The following TOPAZ1 variants were observed in gnomAD, a reference collection of about 807,000 sequenced individuals.
TOPAZ1 encodes the protein testis and ovary specific TOPAZ 1.
Under a neutral mutation model 172.2 loss-of-function variants are expected in TOPAZ1, and 66 were observed. The ratio of observed to expected loss-of-function variants is 0.38; its 90% CI spans 0.31 to 0.47. The LOEUF is 0.47. Ranked by LOEUF, TOPAZ1 falls within the 20% of genes least tolerant of loss-of-function variation. TOPAZ1 has a pLI of 0.99. For synonymous variants in TOPAZ1, 681 were observed against 683.9 expected (o/e 1.00, Z 0.07); for missense variants, 1,822 against 1,972.4 (o/e 0.92, Z 1.44).
At chr3:44,331,155 G>T (rs1700663451) in intron 19 of TOPAZ1, among the ~76,000 whole-genome samples, 1 of 152,150 alleles carries the variant, frequency 6.6e-6, no homozygotes, top group Non-Finnish European at 1.5e-5. Flanking sequence ...TAGGTAATTA[G>T]CTGTGTTCTA....
chr3:44,293,785 A>G (rs1039286261), intron 12 of TOPAZ1, among the ~76,000 whole-genome samples: 3 of 152,210 alleles, frequency 2.0e-5, no homozygotes, highest in African/African-American at 7.2e-5. Flanking sequence ...ACAGTTGCCT[A>G]CAGTATTCAG....
chr3:44,266,120 A>T (rs1699827871), intron 5 of TOPAZ1, among the ~76,000 whole-genome samples: 1 of 152,156 alleles, frequency 6.6e-6, no homozygotes, highest in African/African-American at 2.4e-5. Context: ...AACCTCATGA[A>T]CCAATTTTGC....
intron 16 of TOPAZ1, among the ~76,000 whole-genome samples, 196 bp downstream of exon 16, chr3:44,310,186 G>A (rs1242571582): frequency 6.6e-6 from 1 of 152,150 alleles, no homozygotes; most frequent in African/African-American, 2.4e-5. Flanking sequence ...AATTATATAA[G>A]CCTTTGTTCA....
intron 4 of TOPAZ1, among the ~76,000 whole-genome samples, chr3:44,261,782 C>T (rs1699778503): frequency 6.6e-6 from 1 of 152,144 alleles, no homozygotes; most frequent in Non-Finnish European, 1.5e-5. Context: ...CTCTCCTATC[C>T]ATGATCATGG....
chr3:44,254,064 A>C (rs1214394826), intron 2 of TOPAZ1, among the ~76,000 whole-genome samples: 1 of 152,228 alleles, frequency 6.6e-6, no homozygotes. Context: ...CTTTAAGGAC[A>C]TCTTATCTCA....
chr3:44,318,216 AG>A (rs1700471493), intron 16 of TOPAZ1, among the ~76,000 whole-genome samples: 1 of 152,010 alleles, frequency 6.6e-6, no homozygotes, highest in African/African-American at 2.4e-5. Context: ...GGGAGGCCGA[AG>A]TGGGTGGATT....
chr3:44,261,422 C>G (rs1254987598), intron 4 of TOPAZ1, among the ~76,000 whole-genome samples: 1 of 152,068 alleles, frequency 6.6e-6, no homozygotes, highest in African/African-American at 2.4e-5. Flanking sequence ...GGTCCTTTCC[C>G]CATTGCTTGT....
Position 44,245,172 on chromosome 3 carries a change from C to G in TOPAZ1, c.2666C>G (p.Pro889Arg). Residue 889 changes from proline (P) to arginine (R), a missense_variant, in exon 2 of 20, where the codon CCA (proline) becomes CGA (arginine). Around this residue, in one of 2 missense-constraint regions of TOPAZ1, gnomAD observed 1,489 missense variants for 1,490.8 expected, o/e 1.00. Coordinates refer to ENST00000309765, the MANE Select transcript of TOPAZ1 (RefSeq NM_001145030.2). ...EGELSFTSEV[P>R]KISQEPNVAG... ...GAGCTCTCATTTACTTCTGAGGTCC[C>G]AAAGATAAGCCAGGAGCCCAATGTT... The G allele has an allele frequency of 6.4e-7, 1 of 1,551,812 alleles. No individual in the cohort carries two copies. Among genetic ancestry groups the G allele is most frequent in the Non-Finnish European group, 8.7e-7 (1 of 1,147,048 alleles).
At chr3:44,282,070 GTGT>G in intron 9 of TOPAZ1, 39 bp downstream of exon 9, 1 of 1,311,930 alleles carries the variant, frequency 7.6e-7, no homozygotes, top group African/African-American at 1.5e-5. Context: ...AGCTATTAAT[GTGT>G]TGTTTGAAAA....
Position 44,270,748 on chromosome 3 carries a change from TTA to T in TOPAZ1, c.3311_3312del (p.Leu1104SerfsTer4). The part of the protein sequence containing the change: ...YKYCKFHFNT[L>X]RGCERPLCKF... The stretch of plus-strand genomic sequence containing the variant: ...ATATTGCAAATTTCATTTTAATACA[TTA>T]CGTGGCTGTGAGCGACCACTGTGCA... On this transcript the variant is annotated frameshift_variant, in exon 8 of 20. Transcript: ENST00000309765. LOFTEE classifies it high-confidence loss of function. 1 of 1,550,932 alleles carries T rather than the reference TTA, an allele frequency of 6.4e-7. No homozygotes were observed. The highest frequency in any genetic ancestry group is 8.7e-7 in the Non-Finnish European group (1 of 1,146,478).
In TOPAZ1 at chr3:44,244,995, G is replaced by C. The variant is rs564499009; in HGVS notation, c.2489G>C (p.Arg830Pro). ...TGCTGTAATGAACAAGAAACATTCC[G>C]ACCAGTGTCCAGTGAAGTTAGGGGT... ...SFCCNEQETF[R>P]PVSSEVRGRK... The change falls in exon 2 of 20, where the codon CGA (arginine) becomes CCA (proline). Residue 830 changes from arginine (R) to proline (P), a missense_variant. Physicochemically the swap from Arg to Pro is moderately radical, Grantham distance 103. Coordinates refer to ENST00000309765, the MANE Select transcript of TOPAZ1 (RefSeq NM_001145030.2). The C allele has an allele frequency of 6.4e-7, 1 of 1,551,618 alleles. No homozygotes were observed. The highest frequency in any genetic ancestry group is 8.7e-7 in the Non-Finnish European group (1 of 1,147,000).
chr3:44,320,470 C>T (rs902404683), intron 16 of TOPAZ1, among the ~76,000 whole-genome samples: 4 of 151,954 alleles, frequency 2.6e-5, no homozygotes, highest in African/African-American at 4.8e-5. Context: ...TGGTGGCACG[C>T]GCCTGTAGTC....
At chr3:44,334,470 C>G (rs534540745), downstream of TOPAZ1, among the ~76,000 whole-genome samples, 2 of 152,074 alleles carry the variant, frequency 1.3e-5, no homozygotes, top group African/African-American at 4.8e-5. Flanking sequence ...CAGGAGACAC[C>G]GGATTCCATC....
At chr3:44,294,793 A>G (rs981358426) in intron 12 of TOPAZ1, among the ~76,000 whole-genome samples, 2 of 152,198 alleles carry the variant, frequency 1.3e-5, no homozygotes, top group Admixed American at 6.5e-5. Context: ...TTTAATGCAC[A>G]TTTATATTTT....
chr3:44,292,509 A>C (rs536046216), intron 12 of TOPAZ1, among the ~76,000 whole-genome samples: 7 of 151,846 alleles, frequency 4.6e-5, no homozygotes. Context: ...AGCAGTTAGC[A>C]CAGGGAAAGT....
chr3:44,310,044 T>C, intron 16 of TOPAZ1, 54 bp downstream of exon 16: 1 of 1,459,476 alleles, frequency 6.9e-7, no homozygotes, highest in South Asian at 1.3e-5. Context: ...GTCATGCATT[T>C]TTGTCTATGT....
intron 3 of TOPAZ1, among the ~76,000 whole-genome samples, chr3:44,255,670 T>TAC (rs71085609): frequency 0.034 from 1,586 of 46,308 alleles, 18 homozygotes; most frequent in Admixed American, 0.047. Flanking sequence ...AAAATATATA[T>TAC]ACACACACAC....
chr3:44,242,151 C>A lies in TOPAZ1; in HGVS notation c.98C>A (p.Ala33Glu). The A allele has an allele frequency of 6.5e-7, 1 of 1,547,912 alleles. No homozygotes were observed. Among genetic ancestry groups the A allele is most frequent in the Non-Finnish European group, 8.7e-7 (1 of 1,146,080 alleles). The stretch of plus-strand genomic sequence containing the variant: ...CGGCAGGCGCCAGGGCCAGGCGCGG[C>A]GGGAGGCTGTGGCCCTGAGGCCGGG... ...QKRQAPGPGA[A>E]GGCGPEAGGC... The change falls in exon 1 of 20, where the codon GCG becomes GAG. Residue 33 changes from alanine to glutamate, a missense_variant. Around this residue, in one of 2 missense-constraint regions of TOPAZ1, gnomAD observed 1,489 missense variants for 1,490.8 expected, o/e 1.00. Transcript: ENST00000309765.
chr3:44,261,623 G>T (rs1699776490), intron 4 of TOPAZ1, among the ~76,000 whole-genome samples: 1 of 152,072 alleles, frequency 6.6e-6, no homozygotes, highest in Non-Finnish European at 1.5e-5. Context: ...GCTTAGGATT[G>T]CCTTGTCTAT....
Sources: gnomAD v4.1 joint callset for allele counts (sites outside exome capture counted in the v4.1 genomes callset) on GRCh38, gnomAD v4.1.1 for gene constraint, gnomAD v4.1.1 regional missense constraint, MANE v1.5 for transcripts, NCBI Gene and HGNC (gene_info 2026-07-23, HGNC 2026-07-21) for gene names.